FREM1: variants seen among roughly 807,000 people sequenced by gnomAD.
FREM1 encodes the protein FRAS1 related extracellular matrix 1, also known as FRAS1-related extracellular matrix protein 1.
A neutral mutation model predicts 210.1 loss-of-function variants in FREM1; 220 were observed. The observed-to-expected ratio is 1.05, with a 90% CI of 0.94 to 1.17. The LOEUF (loss-of-function observed/expected upper bound fraction) is 1.17. Ranked by LOEUF, FREM1 falls within the 50% of genes most tolerant of loss-of-function variation. FREM1 has a pLI of 0.00. For synonymous variants in FREM1, 1,189 were observed against 980.2 expected (o/e 1.21, Z -3.98); for missense variants, 3,454 against 2,675.5 (o/e 1.29, Z -6.42).
chr9:14,781,853 G>T (rs969828825), intron 24 of FREM1, among the ~76,000 whole-genome samples: 1 of 152,112 alleles, frequency 6.6e-6, no homozygotes, highest in Non-Finnish European at 1.5e-5. Flanking sequence ...ACAGGTGCCC[G>T]CCACCACTCC....
rs781534404 is a variant in FREM1 at position 14,851,439 on chromosome 9, C to T, written c.997G>A (p.Val333Met). The T allele has an allele frequency of 6.2e-7, 1 of 1,613,926 alleles. No homozygotes were observed. Among genetic ancestry groups the T allele is most frequent in the Non-Finnish European group, 8.5e-7 (1 of 1,179,880 alleles). ...EEDETPKPLLVFNITKAPLQG... is the reference protein window; with the variant it reads ...EEDETPKPLLMFNITKAPLQG... ...AGCGGGGCTTTAGTAATGTTGAACA[C>T]CAGCAAGGGTTTAGGGGTCTCATCT... The change falls in exon 6 of 37, where the codon GTG (valine) becomes ATG (methionine). Residue 333 changes from valine (V) to methionine (M), a missense_variant. Coordinates refer to ENST00000380880, the MANE Select transcript of FREM1 (RefSeq NM_001379081.2).
At chr9:14,877,816 A>G (rs1564151494) in intron 1 of FREM1, among the ~76,000 whole-genome samples, 1 of 152,232 alleles carries the variant, frequency 6.6e-6, no homozygotes, top group Non-Finnish European at 1.5e-5. Context: ...CAGAGAACCC[A>G]GCTAAGCCAT....
intron 1 of FREM1, among the ~76,000 whole-genome samples, chr9:14,886,138 G>A (rs910058687): frequency 6.6e-6 from 1 of 151,870 alleles, no homozygotes; most frequent in East Asian, 1.9e-4. Context: ...TGTAATCCCA[G>A]CACTTTGGGA....
At chr9:14,852,481 A>G (rs1167536250) in intron 5 of FREM1, among the ~76,000 whole-genome samples, 2 of 152,160 alleles carry the variant, frequency 1.3e-5, no homozygotes, top group Non-Finnish European at 1.5e-5. Flanking sequence ...TGATGCCAGG[A>G]GTTTGAGACC....
chr9:14,807,029 T>C (rs572975033), intron 17 of FREM1, among the ~76,000 whole-genome samples, 183 bp from the exon 18 acceptor site: 25 of 152,208 alleles, frequency 1.6e-4, no homozygotes, highest in Non-Finnish European at 3.4e-4. Flanking sequence ...TGAGTGGTAA[T>C]GAGTGAATTT....
At chr9:14,780,161 G>C (rs1849420865) in intron 24 of FREM1, among the ~76,000 whole-genome samples, 1 of 152,086 alleles carries the variant, frequency 6.6e-6, no homozygotes, top group African/African-American at 2.4e-5. Flanking sequence ...TGAAGAAGTT[G>C]GTGGTAGCAG....
At chr9:14,762,600 T>C (rs1845694172) in intron 27 of FREM1, among the ~76,000 whole-genome samples, 1 of 152,136 alleles carries the variant, frequency 6.6e-6, no homozygotes, top group South Asian at 2.1e-4. Flanking sequence ...TACACAATGC[T>C]CTATTTTATT....
At position 14,842,593 on chromosome 9, in the gene FREM1, G is replaced by A; in HGVS notation, c.1461C>T (p.Asp487=). The stretch of plus-strand genomic sequence containing the variant: ...CCACGAAGTCTTTGGTGGAGTCGCT[G>A]TCATCATGATGATAGCGAACAACTC... ...QAGVVRYHHD[D]SDSTKDFVVF... is the part of the protein sequence containing the mutation. Residue 487 remains aspartate, a synonymous_variant, in exon 9 of 37, where the codon GAC becomes GAT. Coordinates refer to ENST00000380880, the MANE Select transcript of FREM1 (RefSeq NM_001379081.2). 3 of 1,613,874 alleles carry A rather than the reference G, an allele frequency of 1.9e-6. No homozygotes were observed. Among genetic ancestry groups the A allele is most frequent in the Non-Finnish European group, 2.5e-6 (3 of 1,179,766 alleles).
At chr9:14,880,278 A>G (rs912854909) in intron 1 of FREM1, among the ~76,000 whole-genome samples, 1 of 151,978 alleles carries the variant, frequency 6.6e-6, no homozygotes, top group African/African-American at 2.4e-5. Flanking sequence ...ATATTTTTTT[A>G]AAAAAAGGAA....
chr9:14,746,855 C>A, intron 34 of FREM1, 68 bp downstream of exon 34: 1 of 1,522,440 alleles, frequency 6.6e-7, no homozygotes, highest in Admixed American at 2.1e-5. Context: ...CCAGATGGTT[C>A]CCCTCTATTA....
At chr9:14,896,606 G>A (rs1219221095) in intron 1 of FREM1, among the ~76,000 whole-genome samples, 1 of 147,102 alleles carries the variant, frequency 6.8e-6, no homozygotes, top group Non-Finnish European at 1.5e-5. Context: ...ATATAACTAA[G>A]AAATAACCAT....
At chr9:14,909,524 C>T (rs768870221) in intron 1 of FREM1, among the ~76,000 whole-genome samples, 11 of 152,182 alleles carry the variant, frequency 7.2e-5, no homozygotes, top group Non-Finnish European at 1.3e-4. Flanking sequence ...ATGTTTGTAC[C>T]ATGAGGATAT....
intron 21 of FREM1, among the ~76,000 whole-genome samples, chr9:14,794,070 C>T (rs1021954301): frequency 1.3e-5 from 2 of 152,252 alleles, no homozygotes; most frequent in Non-Finnish European, 1.5e-5. Context: ...AATTTCTGGT[C>T]AGAATGAAAT....
intron 19 of FREM1, among the ~76,000 whole-genome samples, 192 bp from the exon 20 acceptor site, chr9:14,802,066 C>G (rs1817390732): frequency 6.6e-6 from 1 of 152,168 alleles, no homozygotes; most frequent in Admixed American, 6.5e-5. Flanking sequence ...ATTAATCTCC[C>G]TTACATTTTT....
At chr9:14,864,090 C>T (rs866739672) in intron 2 of FREM1, among the ~76,000 whole-genome samples, 187 bp from the exon 3 acceptor site, 1 of 152,176 alleles carries the variant, frequency 6.6e-6, no homozygotes. Context: ...CCTACTTATA[C>T]AGCTGTCTCT....
rs568316693 is a variant in FREM1, at chr9:14,823,861, A to G, written c.2169+164T>C. On this transcript the variant is annotated intron_variant, in intron 12 of 36. Coordinates refer to ENST00000380880, the MANE Select transcript of FREM1 (RefSeq NM_001379081.2). ...ATTCAACTTGATCAAGTACTTTGAA[A>G]TAGATGCCACACACTTAATGGAAAC... Among the ~76,000 whole-genome samples the G allele has an allele frequency of 7.2e-5, 11 of 152,358 alleles. 1 individual carries two copies. The highest frequency in any genetic ancestry group is 5.9e-4 in the Admixed American group (9 of 15,310).
Position 14,784,610 on chromosome 9 carries a change from G to A in FREM1, c.4202C>T (p.Pro1401Leu). The change falls in exon 24 of 37, where the codon CCA becomes CTA. Residue 1401 changes from proline (P) to leucine (L), a missense_variant. By Grantham distance (98) the Pro-to-Leu change is moderately conservative (BLOSUM62 -3). Transcript: ENST00000380880. ...EKGDIVILTK[P>L]LVVSKGDRGF... ...TCTATCACCTTTAGACACCACGAGT[G>A]GTTTTGTAAGGATGACAATATCACC... 6.3e-7 allele frequency: 1 copy of A among 1,588,250 alleles called. No individual in the cohort carries two copies. Among genetic ancestry groups the A allele is most frequent in the Non-Finnish European group, 8.6e-7 (1 of 1,165,248 alleles).
intron 1 of FREM1, among the ~76,000 whole-genome samples, chr9:14,897,271 A>G (rs1384115589): frequency 5.9e-5 from 9 of 152,200 alleles, no homozygotes; most frequent in African/African-American, 7.2e-5. Flanking sequence ...ATTACAGCTA[A>G]GGAAATAGAT....
rs1330422206 is a variant in FREM1, at chr9:14,842,566, G to A, written c.1488C>T (p.Val496=). The change falls in exon 9 of 37, where the codon GTC becomes GTT. Residue 496 remains valine, a synonymous_variant. Transcript: ENST00000380880. ...TGTGATGGCCATCAAATATCCGGAAGACCACGAAGTCTTTGGTGGAGTCGC... is the reference window on the plus strand; with the variant it reads ...TGTGATGGCCATCAAATATCCGGAAAACCACGAAGTCTTTGGTGGAGTCGC... ...DDSDSTKDFV[V]FRIFDGHHSI... is the part of the protein sequence containing the mutation. The A allele has an allele frequency of 2.5e-6, 4 of 1,613,824 alleles. No homozygotes were observed. The highest frequency in any genetic ancestry group is 1.3e-5 in the African/African-American group (1 of 74,932).
Sources: allele counts gnomAD v4.1 joint callset (sites outside exome capture counted in the v4.1 genomes callset), GRCh38; gene constraint gnomAD v4.1.1; transcripts MANE v1.5; gene names NCBI Gene and HGNC (gene_info 2026-07-23, HGNC 2026-07-21).